The following KCNK12 variants were observed in gnomAD, a reference collection of about 807,000 sequenced individuals.
KCNK12 encodes potassium two pore domain channel subfamily K member 12, also known as potassium channel subfamily K member 12.
KCNK12 carries 6 observed loss-of-function variants against 25.3 expected under a neutral mutation model. The ratio of observed to expected loss-of-function variants is 0.24; its 90% CI spans 0.13 to 0.47. The LOEUF (loss-of-function observed/expected upper bound fraction) is 0.47, where lower values mean the gene tolerates loss of function less well. Ranked by LOEUF, KCNK12 falls within the 20% of genes least tolerant of loss-of-function variation. KCNK12 has a pLI of 0.99. For synonymous variants in KCNK12, 331 were observed against 311.1 expected (o/e 1.06, Z -0.67); for missense variants, 444 against 661.7 (o/e 0.67, Z 3.61).
chr2:47,534,707 C>T (rs1340180993), intron 1 of KCNK12, among the ~76,000 whole-genome samples: 1 of 152,074 alleles, frequency 6.6e-6, no homozygotes, highest in African/African-American at 2.4e-5. Context: ...TCCCTCCCAC[C>T]TCAGGGCGCT....
chr2:47,515,454 T>G lies in KCNK12; in HGVS notation c.*5453A>C, dbSNP rs1668503918. ...CACAAAAAATTTGCAACCTCCAGCATAAATGGGTTAAAACAAGACAAAACA... is the reference window on the plus strand; with the variant it reads ...CACAAAAAATTTGCAACCTCCAGCAGAAATGGGTTAAAACAAGACAAAACA... On this transcript the variant is annotated 3_prime_UTR_variant, in exon 2 of 2. Coordinates refer to ENST00000327876, the MANE Select transcript of KCNK12 (RefSeq NM_022055.2). 6.6e-6 allele frequency among the ~76,000 whole-genome samples: 1 copy of G among 152,218 alleles called. No individual in the cohort carries two copies. Among genetic ancestry groups the G allele is most frequent in the Admixed American group, 6.5e-5 (1 of 15,276 alleles).
rs1299174091 is a variant in KCNK12 at position 47,570,350 on chromosome 2, G to T, written c.-19C>A. On this transcript the variant is annotated 5_prime_UTR_variant, in exon 1 of 2. Coordinates refer to ENST00000327876, the MANE Select transcript of KCNK12 (RefSeq NM_022055.2). The stretch of plus-strand genomic sequence containing the variant: ...AGGACATGGTCCGGAGCTCAGCCCC[G>T]GGGCCGGGGCGGCGCTCGGGGCCCG... 1 of 1,228,582 alleles carries T rather than the reference G, an allele frequency of 8.1e-7. No individual in the cohort carries two copies. The allele number at this position is 1,228,582 out of a possible 1,614,324, so 76.1% of individuals were successfully genotyped here. A position where few individuals can be genotyped will look rare whatever the true frequency, so the allele number is the denominator to read the frequency against.
chr2:47,539,693 A>G (rs907570580), intron 1 of KCNK12, among the ~76,000 whole-genome samples: 2 of 152,172 alleles, frequency 1.3e-5, no homozygotes, highest in South Asian at 2.1e-4. Context: ...TCTGTGCAGG[A>G]AAGAAGGGGG....
rs1668490090 is a variant in KCNK12 at position 47,515,128 on chromosome 2, C to G, written c.*5779G>C. 6.6e-6 allele frequency among the ~76,000 whole-genome samples: 1 copy of G among 152,168 alleles called. No homozygotes were observed. The highest frequency in any genetic ancestry group is 2.4e-5 in the African/African-American group (1 of 41,432). ...CTGTGCCCATCACATAGCTGGGGCA[C>G]AGCTGGAGACCCCAACAGAGAGGAG... On this transcript the variant is annotated 3_prime_UTR_variant, in exon 2 of 2. Transcript: ENST00000327876.
At chr2:47,522,313 C>T (rs890540302) in intron 1 of KCNK12, among the ~76,000 whole-genome samples, 1 of 152,180 alleles carries the variant, frequency 6.6e-6, no homozygotes, top group Non-Finnish European at 1.5e-5. Flanking sequence ...CAACATAGAT[C>T]TCTTCAAAGA....
chr2:47,541,453 C>T (rs1376092840), intron 1 of KCNK12, among the ~76,000 whole-genome samples: 1 of 152,070 alleles, frequency 6.6e-6, no homozygotes, highest in African/African-American at 2.4e-5. Flanking sequence ...TTTGGGCTGA[C>T]TCTCCTCCCT....
Position 47,516,803 on chromosome 2 carries a change from G to C in KCNK12, c.*4104C>G, listed in dbSNP as rs745320862. 6.6e-6 allele frequency: 1 copy of C among 152,232 alleles called. No individual in the cohort carries two copies. Among genetic ancestry groups the C allele is most frequent in the Non-Finnish European group, 1.5e-5 (1 of 68,066 alleles). 9.4% of individuals were successfully genotyped at this position (152,232 alleles called of 1,614,324 possible). On this transcript the variant is annotated 3_prime_UTR_variant, in exon 2 of 2. Coordinates refer to ENST00000327876, the MANE Select transcript of KCNK12 (RefSeq NM_022055.2). ...GGGAAGAGGGTTTGGGGCCAGGTCC[G>C]AGTGCAGAAATCCTCAATGCATGAG...
Position 47,548,063 on chromosome 2 carries a change from G to A in KCNK12, c.391+21878C>T, listed in dbSNP as rs539521253. On this transcript the variant is annotated intron_variant, in intron 1 of 1. Coordinates refer to ENST00000327876, the MANE Select transcript of KCNK12 (RefSeq NM_022055.2). This position sits in a 1 kb window ranked among gnomAD's most constrained non-coding sequence, Gnocchi z 4.4. ...CCTTCCCCTTTGCTCTCTTCCTCCT[G>A]CTCCAGCCATGAAGGACGTGTCTGC... is the stretch of plus-strand genomic sequence containing the variant. Among the ~76,000 whole-genome samples the A allele has an allele frequency of 1.3e-5, 2 of 152,234 alleles. No individual in the cohort carries two copies. Among genetic ancestry groups the A allele is most frequent in the South Asian group, 4.1e-4 (2 of 4,822 alleles).
chr2:47,570,369 G>A lies in KCNK12; in HGVS notation c.-38C>T, dbSNP rs1669867719. 1 of 1,217,600 alleles carries A rather than the reference G, an allele frequency of 8.2e-7. No homozygotes were observed. The highest frequency in any genetic ancestry group is 3.8e-5 in the South Asian group (1 of 26,530). 75.4% of individuals were successfully genotyped at this position (1,217,600 alleles called of 1,614,324 possible). On this transcript the variant is annotated 5_prime_UTR_variant, in exon 1 of 2. Transcript: ENST00000327876. ...AGCCCCGGGGCCGGGGCGGCGCTCGGGGCCCGGGCCACGACATCCCCCCGG... is the reference window on the plus strand; with the variant it reads ...AGCCCCGGGGCCGGGGCGGCGCTCGAGGCCCGGGCCACGACATCCCCCCGG...
rs977825718 is a variant in KCNK12 at position 47,547,416 on chromosome 2, T to A, written c.391+22525A>T. ...AGGTAATTTTAATATGCAGCCAGGG[T>A]TGAGAACCACTCTCCTAGGTGATCT... On this transcript the variant is annotated intron_variant, in intron 1 of 1. Transcript: ENST00000327876. The surrounding 1 kb of genome is among the most constrained non-coding windows in gnomAD (Gnocchi z 5.0). 2.6e-5 allele frequency among the ~76,000 whole-genome samples: 4 copies of A among 152,250 alleles called. No individual in the cohort carries two copies. The highest frequency in any genetic ancestry group is 9.6e-5 in the African/African-American group (4 of 41,556).
intron 1 of KCNK12, among the ~76,000 whole-genome samples, chr2:47,568,342 A>G (rs1257207461): frequency 6.6e-6 from 1 of 152,046 alleles, no homozygotes; most frequent in South Asian, 2.1e-4. Context: ...TAGCAACTTG[A>G]TGCAGCTCTT....
rs1268549322 is a variant in KCNK12, at chr2:47,533,158, G to A, written c.392-11350C>T. ...CCCAAGTAGCTGGGACTACAGGTGC[G>A]TGCCACCACATCTGGCTAATTTTTG... On this transcript the variant is annotated intron_variant, in intron 1 of 1. Transcript: ENST00000327876. This position sits in a 1 kb window ranked among gnomAD's most constrained non-coding sequence, Gnocchi z 4.7. 3.9e-5 allele frequency among the ~76,000 whole-genome samples: 6 copies of A among 152,040 alleles called. No homozygotes were observed. Among genetic ancestry groups the A allele is most frequent in the Admixed American group, 6.5e-5 (1 of 15,268 alleles).
chr2:47,527,743 T>C (rs1329061980), intron 1 of KCNK12: 1 of 152,224 alleles, frequency 6.6e-6, no homozygotes, highest in Non-Finnish European at 1.5e-5. Context: ...TGCTCCCTCC[T>C]CACAAGGGTG....
intron 1 of KCNK12, among the ~76,000 whole-genome samples, chr2:47,545,775 C>T (rs565483971): frequency 6.6e-6 from 1 of 152,292 alleles, no homozygotes; most frequent in South Asian, 2.1e-4. Flanking sequence ...GTGCTAATAG[C>T]ATGACCACCT....
chr2:47,520,841 A>C lies in KCNK12; in HGVS notation c.*66T>G, dbSNP rs2104718994. ...TAAGAAAGCGCCAGCAGTGACTGAG[A>C]GAAGCAAACCACGCCCGGCGGCCCC... On this transcript the variant is annotated 3_prime_UTR_variant, in exon 2 of 2. Transcript: ENST00000327876. This position sits in a 1 kb window ranked among gnomAD's most constrained non-coding sequence, Gnocchi z 5.0. 1 of 1,100,878 alleles carries C rather than the reference A, an allele frequency of 9.1e-7. No homozygotes were observed. The highest frequency in any genetic ancestry group is 1.2e-6 in the Non-Finnish European group (1 of 866,476). The allele number at this position is 1,100,878 out of a possible 1,614,324, so 68.2% of individuals were successfully genotyped here.
In KCNK12 at chr2:47,520,898, A is replaced by G. The variant is rs1668637716; in HGVS notation, c.*9T>C. ...TGGAGAGGGTCCCCGGCGCGGGCGG[A>G]CGGGCGGTCTACCTGGAGGCGCTGG... On this transcript the variant is annotated 3_prime_UTR_variant, in exon 2 of 2. Coordinates refer to ENST00000327876, the MANE Select transcript of KCNK12 (RefSeq NM_022055.2). This position sits in a 1 kb window ranked among gnomAD's most constrained non-coding sequence, Gnocchi z 5.0. 1.6e-6 allele frequency: 2 copies of G among 1,241,470 alleles called. No homozygotes were observed. Among genetic ancestry groups the G allele is most frequent in the Non-Finnish European group, 2.0e-6 (2 of 992,538 alleles). The allele number at this position is 1,241,470 out of a possible 1,614,324, so 76.9% of individuals were successfully genotyped here.
intron 1 of KCNK12, chr2:47,564,212 C>G (rs1056666298): frequency 8.7e-6 from 2 of 231,008 alleles, no homozygotes; most frequent in Non-Finnish European, 1.7e-5. Context: ...GGATAACTGT[C>G]CAGTCGCTCC....
rs762546781 is a variant in KCNK12, at chr2:47,570,224, G to C, written c.108C>G (p.Thr36=). Residue 36 remains threonine, a synonymous_variant, in exon 1 of 2, where the codon ACC becomes ACG. Coordinates refer to ENST00000327876, the MANE Select transcript of KCNK12 (RefSeq NM_022055.2). ...CCRRSHLNED[T]GRFVLLAALI... is the part of the protein sequence containing the mutation. ...GCGCCGCCAGCAGCACGAAGCGGCC[G>C]GTGTCCTCGTTGAGGTGCGAACGGC... 6.7e-7 allele frequency: 1 copy of C among 1,485,120 alleles called. No individual in the cohort carries two copies. The highest frequency in any genetic ancestry group is 8.9e-7 in the Non-Finnish European group (1 of 1,120,634). The allele number at this position is 1,485,120 out of a possible 1,614,324, so 92.0% of individuals were successfully genotyped here.
In KCNK12 at chr2:47,521,066, G is replaced by A. The variant is rs769980040; in HGVS notation, c.1134C>T (p.Asn378=). ...LISMRDLTAS[N]KVSLALLQKQ... ...TCTGCAGCAGCGCCAGCGACACCTTGTTGGAGGCCGTGAGGTCGCGCATGG... is the reference window on the plus strand; with the variant it reads ...TCTGCAGCAGCGCCAGCGACACCTTATTGGAGGCCGTGAGGTCGCGCATGG... Residue 378 remains asparagine (N), a synonymous_variant, in exon 2 of 2, where the codon AAC becomes AAT. Transcript: ENST00000327876. 4.1e-5 allele frequency: 56 copies of A among 1,371,308 alleles called. No homozygotes were observed. Among genetic ancestry groups the A allele is most frequent in the Non-Finnish European group, 5.3e-5 (56 of 1,060,478 alleles). 84.9% of individuals were successfully genotyped at this position (1,371,308 alleles called of 1,614,324 possible). A position where few individuals can be genotyped will look rare whatever the true frequency, so the allele number is the denominator to read the frequency against.
Sources: gnomAD v4.1 joint callset for allele counts (sites outside exome capture counted in the v4.1 genomes callset) on GRCh38, gnomAD v4.1.1 for gene constraint, Gnocchi (gnomAD v3.1) non-coding constraint, MANE v1.5 for transcripts, NCBI Gene and HGNC (gene_info 2026-07-23, HGNC 2026-07-21) for gene names.